The following SPEF2 variants were observed in gnomAD, a reference collection of about 807,000 sequenced individuals.
SPEF2 encodes sperm flagellar and cilia associated 2.
SPEF2 carries 187 observed loss-of-function variants against 224.6 expected under a neutral mutation model. The observed-to-expected ratio is 0.83, with a 90% CI of 0.74 to 0.94. The LOEUF (loss-of-function observed/expected upper bound fraction) is 0.94. SPEF2 is among the 40% of genes least tolerant of loss of function. The pLI is 0.00. For missense variants in SPEF2, 2,170 were observed against 2,135.6 expected (o/e 1.02, Z -0.32); for synonymous variants, 715 against 707.3 (o/e 1.01, Z -0.17).
intron 23 of SPEF2, among the ~76,000 whole-genome samples, chr5:35,751,105 A>ATG (rs1749573257): frequency 1.4e-5 from 1 of 71,732 alleles, no homozygotes; most frequent in Non-Finnish European, 3.1e-5. Context: ...ACATATATAT[A>ATG]TATATATATA....
chr5:35,790,558 T>C, intron 30 of SPEF2: 1 of 390,258 alleles, frequency 2.6e-6, no homozygotes, highest in Non-Finnish European at 4.5e-6. Context: ...GATTGTTTCT[T>C]CTATAGCTTT....
In SPEF2 at chr5:35,748,474, G is replaced by A. The variant is rs185080705; in HGVS notation, c.3331-5150G>A. Among the ~76,000 whole-genome samples the A allele has an allele frequency of 4.8e-3, 736 of 152,158 alleles. 11 individuals are homozygous for A. Among genetic ancestry groups the A allele is most frequent in the Non-Finnish European group, 6.2e-3 (420 of 67,968 alleles). ...GAGAAAATCCAAATAACCTCACTAAGAAACAAAACAGGAGATATTACAACT... is the reference window on the plus strand; with the variant it reads ...GAGAAAATCCAAATAACCTCACTAAAAAACAAAACAGGAGATATTACAACT... On this transcript the variant is annotated intron_variant, in intron 23 of 36. Coordinates refer to ENST00000356031, the MANE Select transcript of SPEF2 (RefSeq NM_024867.4).
In SPEF2 at chr5:35,670,050, G is replaced by C; in HGVS notation, c.1356-9G>C. On this transcript the variant is annotated splice_polypyrimidine_tract_variant and intron_variant, in intron 9 of 36. Coordinates refer to ENST00000356031, the MANE Select transcript of SPEF2 (RefSeq NM_024867.4). ...ATTGATTCATCTCTACCTTTTTTTT[G>C]TGCGATAGTCTGATTCCGTATAAGT... 1 of 1,561,944 alleles carries C rather than the reference G, an allele frequency of 6.4e-7. No homozygotes were observed.
chr5:35,805,501 A>AT (rs917259712), intron 34 of SPEF2, among the ~76,000 whole-genome samples: 13 of 151,938 alleles, frequency 8.6e-5, no homozygotes, highest in African/African-American at 2.9e-4. Flanking sequence ...CTAAATTAGC[A>AT]TTTTTTTTCT....
intron 25 of SPEF2, among the ~76,000 whole-genome samples, chr5:35,762,101 A>G (rs1033931862): frequency 1.3e-5 from 2 of 152,220 alleles, no homozygotes; most frequent in Admixed American, 1.3e-4. Flanking sequence ...TGATAGTAAT[A>G]ACTCTTAGTT....
intron 26 of SPEF2, among the ~76,000 whole-genome samples, chr5:35,768,585 G>A (rs1231961764): frequency 6.6e-6 from 1 of 152,066 alleles, no homozygotes; most frequent in Non-Finnish European, 1.5e-5. Context: ...AATAATGTAT[G>A]TAAAGTGTTT....
At chr5:35,681,178 A>T (rs1024794767) in intron 10 of SPEF2, among the ~76,000 whole-genome samples, 2 of 152,188 alleles carry the variant, frequency 1.3e-5, no homozygotes, top group Non-Finnish European at 2.9e-5. Flanking sequence ...GTACCTGTTG[A>T]TAAGAGGTTT....
At position 35,776,300 on chromosome 5, in the gene SPEF2, A is replaced by G. The variant is rs760005419; in HGVS notation, c.4122A>G (p.Ala1374=). The G allele has an allele frequency of 6.2e-7, 1 of 1,612,486 alleles. No individual in the cohort carries two copies. The highest frequency in any genetic ancestry group is 1.1e-5 in the South Asian group (1 of 90,898). Residue 1374 remains alanine (A), a synonymous_variant, in exon 29 of 37, where the codon GCA becomes GCG. Coordinates refer to ENST00000356031, the MANE Select transcript of SPEF2 (RefSeq NM_024867.4). ...GACTTGAACTGATAAAGACAAAAGC[A>G]TTGGCTCTTCTTGAAGATTTAGTAA... The part of the protein sequence containing the change: ...QFRLELIKTK[A]LALLEDLVTK...
rs371843192 is a variant in SPEF2, at chr5:35,795,749, A to G, written c.4784A>G (p.Asn1595Ser). Reference sequence around the variant, plus strand: ...GATGAAGATATAAAAATTCCAGAAAATCCTCTTGAACCCCTTCCATTTAAT... The same window carrying G: ...GATGAAGATATAAAAATTCCAGAAAGTCCTCTTGAACCCCTTCCATTTAAT... ...TGDEDIKIPE[N>S]PLEPLPFNRQ... is the part of the protein sequence containing the mutation. Residue 1595 changes from asparagine to serine, a missense_variant, in exon 33 of 37, where the codon AAT becomes AGT. By Grantham distance (46) the Asn-to-Ser change is conservative (BLOSUM62 1). Coordinates refer to ENST00000356031, the MANE Select transcript of SPEF2 (RefSeq NM_024867.4). 1.2e-6 allele frequency: 2 copies of G among 1,613,872 alleles called. No homozygotes were observed. The highest frequency in any genetic ancestry group is 2.7e-5 in the African/African-American group (2 of 74,914).
intron 34 of SPEF2, among the ~76,000 whole-genome samples, chr5:35,802,952 A>G (rs1316192126): frequency 6.6e-6 from 1 of 152,174 alleles, no homozygotes; most frequent in African/African-American, 2.4e-5. Flanking sequence ...GAGGGAAGTA[A>G]GGAGACCTAG....
At position 35,785,636 on chromosome 5, in the gene SPEF2, A is replaced by AC. The variant is rs371386037; in HGVS notation, c.4447+6299dup. Among the ~76,000 whole-genome samples, 190 of 145,858 alleles carry AC rather than the reference A, an allele frequency of 1.3e-3. 1 individual carries two copies. Among genetic ancestry groups the AC allele is most frequent in the East Asian group, 4.8e-3 (24 of 4,972 alleles). On this transcript the variant is annotated intron_variant, in intron 30 of 36. Coordinates refer to ENST00000356031, the MANE Select transcript of SPEF2 (RefSeq NM_024867.4). Reference sequence around the variant, plus strand: ...CATGGCTCACTACAGCCTCAGCACAACCCCCCCCCACCTCAGCCTTCCAAG... The same window carrying AC: ...CATGGCTCACTACAGCCTCAGCACAACCCCCCCCCCACCTCAGCCTTCCAAG...
intron 2 of SPEF2, among the ~76,000 whole-genome samples, chr5:35,631,078 A>G (rs1164207098): frequency 6.6e-6 from 1 of 152,324 alleles, no homozygotes; most frequent in East Asian, 1.9e-4. Flanking sequence ...TACAAAAGAA[A>G]GTTGTTTTGG....
intron 20 of SPEF2, among the ~76,000 whole-genome samples, chr5:35,723,212 A>C (rs1744074786): frequency 6.6e-6 from 1 of 152,138 alleles, no homozygotes; most frequent in Non-Finnish European, 1.5e-5. Context: ...ATTTAATTTG[A>C]AGGATCTGGA....
At chr5:35,652,622 T>G (rs1485798611) in intron 6 of SPEF2, among the ~76,000 whole-genome samples, 2 of 152,158 alleles carry the variant, frequency 1.3e-5, no homozygotes, top group Admixed American at 6.5e-5. Flanking sequence ...TATTTGAAAT[T>G]TAGCAGACAT....
chr5:35,789,330 C>G, intron 30 of SPEF2: 1 of 703,424 alleles, frequency 1.4e-6, no homozygotes, highest in Non-Finnish European at 2.6e-6. Flanking sequence ...GACATATTTG[C>G]CACTTTAGAG....
intron 2 of SPEF2, among the ~76,000 whole-genome samples, chr5:35,629,633 T>C (rs2149373293): frequency 6.6e-6 from 1 of 152,346 alleles, no homozygotes; most frequent in South Asian, 2.1e-4. Context: ...CAATTCACCA[T>C]TTTAAAGCAC....
At chr5:35,751,042 T>TGTGTATAC (rs1749431661) in intron 23 of SPEF2, among the ~76,000 whole-genome samples, 1 of 31,364 alleles carries the variant, frequency 3.2e-5, no homozygotes, top group Non-Finnish European at 7.4e-5. Context: ...TATACACATA[T>TGTGTATAC]GTATATATAT....
intron 21 of SPEF2, among the ~76,000 whole-genome samples, chr5:35,733,146 G>A (rs191040298): frequency 0.02 from 3,038 of 151,130 alleles, 126 homozygotes; most frequent in African/African-American, 0.071. Flanking sequence ...ATGGAGTCTC[G>A]CTCTGTCACC....
chr5:35,691,548 T>C (rs560988530), intron 11 of SPEF2, among the ~76,000 whole-genome samples: 4 of 152,250 alleles, frequency 2.6e-5, no homozygotes, highest in Non-Finnish European at 5.9e-5. Context: ...ATATCCAAAA[T>C]AGGCAAATCC....
Sources: gnomAD v4.1 joint callset for allele counts (sites outside exome capture counted in the v4.1 genomes callset) on GRCh38, gnomAD v4.1.1 for gene constraint, MANE v1.5 for transcripts, NCBI Gene and HGNC (gene_info 2026-07-23, HGNC 2026-07-21) for gene names.